Variants in METTL21A observed in about 807,000 individuals in gnomAD.
METTL21A encodes protein N-lysine methyltransferase METTL21A.
METTL21A carries 22 observed loss-of-function variants against 20.9 expected under a neutral mutation model. The observed-to-expected ratio is 1.05, with a 90% CI of 0.75 to 1.50. METTL21A has a LOEUF of 1.50. METTL21A is among the 40% of genes most tolerant of loss of function. METTL21A has a pLI of 0.00. For missense variants in METTL21A, 271 were observed against 266.8 expected (o/e 1.02, Z -0.11); for synonymous variants, 93 against 102.0 (o/e 0.91, Z 0.53).
intron 3 of METTL21A, among the ~76,000 whole-genome samples, chr2:207,614,473 A>T (rs1216269400): frequency 1.3e-5 from 2 of 152,184 alleles, no homozygotes; most frequent in Non-Finnish European, 2.9e-5. Context: ...GTTACAGTTT[A>T]AAAAAGAATC....
chr2:207,591,428 T>G (rs1458620943), intron 3 of METTL21A, among the ~76,000 whole-genome samples: 3 of 152,152 alleles, frequency 2.0e-5, no homozygotes, highest in African/African-American at 2.4e-5. Context: ...AGTTGGTTTG[T>G]TTTGTTTTTG....
downstream of METTL21A, among the ~76,000 whole-genome samples, chr2:207,605,323 C>T (rs1429684862): frequency 6.6e-6 from 1 of 152,134 alleles, no homozygotes; most frequent in East Asian, 1.9e-4. Flanking sequence ...TGATGTGGAG[C>T]ATCTTTTGTT....
intron 3 of METTL21A, among the ~76,000 whole-genome samples, chr2:207,593,400 C>A (rs2085460787): frequency 6.6e-6 from 1 of 152,128 alleles, no homozygotes; most frequent in Non-Finnish European, 1.5e-5. Flanking sequence ...CATGGTGGTG[C>A]ATGCCTATGG....
chr2:207,599,855 G>A (rs1265717803), intron 3 of METTL21A: 1 of 194,154 alleles, frequency 5.2e-6, no homozygotes, highest in Non-Finnish European at 1.1e-5. Flanking sequence ...TGGCCAAAAG[G>A]GAATAAAAAT....
intron 3 of METTL21A, among the ~76,000 whole-genome samples, chr2:207,621,594 TGA>T (rs892852027): frequency 5.9e-5 from 9 of 151,928 alleles, no homozygotes; most frequent in African/African-American, 2.2e-4. Context: ...TGTGTGTGTG[TGA>T]GAGAGAGAGA....
rs780262605 is a variant in METTL21A, at chr2:207,621,899, A to G, written c.166T>C (p.Tyr56His). ...AGCTCCACAGCTCCCATCTCCAGGT[A>G]TGTGGAAAGAACGATGGCCTGAATG... The change falls in exon 3 of 4, where the codon TAC becomes CAC. Residue 56 changes from tyrosine to histidine, a missense_variant. Coordinates refer to ENST00000406927, the Ensembl canonical transcript of METTL21A. The G allele has an allele frequency of 1.9e-6, 3 of 1,614,124 alleles. No individual in the cohort carries two copies. In the South Asian group the frequency reaches 3.3e-5, roughly 18 times the overall value.
chr2:207,584,404 A>C (rs1175074089), intron 3 of METTL21A, among the ~76,000 whole-genome samples: 1 of 149,994 alleles, frequency 6.7e-6, no homozygotes, highest in Non-Finnish European at 1.5e-5. Context: ...TTCACTAGTG[A>C]CTTTTTTTTT....
At chr2:207,597,662 G>A (rs943161230) in intron 3 of METTL21A, 8 of 206,672 alleles carry the variant, frequency 3.9e-5, no homozygotes, top group African/African-American at 1.6e-4. Context: ...CTTCAATACT[G>A]AAAATTTGTC....
downstream of METTL21A, among the ~76,000 whole-genome samples, chr2:207,604,321 C>A (rs55694411): frequency 0.033 from 5,037 of 152,298 alleles, 296 homozygotes; most frequent in African/African-American, 0.12. Context: ...TTGCAAAACA[C>A]AGGCCCAAGA....
chr2:207,607,644 A>T (rs1575096826), downstream of METTL21A, among the ~76,000 whole-genome samples: 1 of 29,812 alleles, frequency 3.4e-5, no homozygotes, highest in African/African-American at 1.2e-4. Context: ...CTTCAAAAAC[A>T]GCATTCTTTA....
downstream of METTL21A, among the ~76,000 whole-genome samples, chr2:207,604,843 T>C (rs1452515045): frequency 6.6e-6 from 1 of 152,250 alleles, no homozygotes; most frequent in African/African-American, 2.4e-5. Context: ...GTGTATTACT[T>C]CTTTCGTCTA....
At chr2:207,607,288 C>T (rs1332669838), downstream of METTL21A, among the ~76,000 whole-genome samples, 10 of 152,174 alleles carry the variant, frequency 6.6e-5, no homozygotes, top group East Asian at 1.9e-3. Context: ...ACTCAGGAGG[C>T]TGAGACAGAA....
intron 3 of METTL21A, among the ~76,000 whole-genome samples, chr2:207,619,880 G>A (rs1246066326): frequency 6.6e-6 from 1 of 152,168 alleles, no homozygotes; most frequent in East Asian, 1.9e-4. Context: ...TCACTGTGGA[G>A]TAAATATTAC....
intron 3 of METTL21A, among the ~76,000 whole-genome samples, chr2:207,583,047 A>G (rs1465456043): frequency 2.0e-5 from 3 of 152,040 alleles, no homozygotes; most frequent in South Asian, 2.1e-4. Context: ...CAATATAACA[A>G]TTTTTTAAAT....
chr2:207,620,607 T>C (rs1234651055), intron 3 of METTL21A: 2 of 1,425,294 alleles, frequency 1.4e-6, no homozygotes, highest in East Asian at 5.2e-5. Context: ...TTAAAAATAA[T>C]ACCTAACATA....
chr2:207,618,177 A>G (rs545837870), intron 3 of METTL21A, among the ~76,000 whole-genome samples: 4 of 152,258 alleles, frequency 2.6e-5, no homozygotes, highest in Admixed American at 2.0e-4. Context: ...CACATGGGAA[A>G]CTTTTAAAAT....
Position 207,624,309 on chromosome 2 carries a change from T to C in METTL21A, c.67A>G (p.Thr23Ala), listed in dbSNP as rs532031255. The C allele has an allele frequency of 5.6e-6, 9 of 1,613,918 alleles. No individual in the cohort carries two copies. In the South Asian group the frequency reaches 7.7e-5, roughly 14 times the overall value. The change falls in exon 2 of 4, where the codon ACT (threonine) becomes GCT (alanine). Residue 23 changes from threonine to alanine, a missense_variant. Coordinates refer to ENST00000406927, the Ensembl canonical transcript of METTL21A. ...ATCGTGTGGTTTGCAAAGGAAAAAG[T>C]TGCAAGAGGCTTGTGGAATTTCTGC...
intron 3 of METTL21A, among the ~76,000 whole-genome samples, chr2:207,590,103 T>TA (rs2084717505): frequency 7.1e-6 from 1 of 140,224 alleles, no homozygotes; most frequent in Admixed American, 7.5e-5. Context: ...TTTTTTTTTT[T>TA]TTTTAATAGA....
At chr2:207,620,022 T>A (rs1187725917) in intron 3 of METTL21A, among the ~76,000 whole-genome samples, 1 of 152,204 alleles carries the variant, frequency 6.6e-6, no homozygotes, top group African/African-American at 2.4e-5. Flanking sequence ...TTTGCTACAC[T>A]AACATGTCTA....
Sources: gnomAD v4.1 joint callset for allele counts (sites outside exome capture counted in the v4.1 genomes callset) on GRCh38, gnomAD v4.1.1 for gene constraint, MANE v1.5 for transcripts, NCBI Gene and HGNC (gene_info 2026-07-23, HGNC 2026-07-21) for gene names.